SCIN: variants seen among roughly 807,000 people sequenced by gnomAD.
SCIN encodes adseverin.
A neutral mutation model predicts 91.8 loss-of-function variants in SCIN; 91 were observed. The ratio of observed to expected loss-of-function variants is 0.99; its 90% confidence interval spans 0.84 to 1.18. SCIN has a LOEUF of 1.18. Ranked by LOEUF, SCIN falls within the 50% of genes most tolerant of loss-of-function variation. The pLI is 0.00. For synonymous variants in SCIN, 367 were observed against 312.6 expected, an observed-to-expected ratio of 1.17 and a Z score of -1.84; for missense variants, 1,087 against 863.9, an observed-to-expected ratio of 1.26 and a Z score of -3.24.
chr7:12,640,084 A>G (rs192847939), intron 10 of SCIN, among the ~76,000 whole-genome samples: 1 of 152,328 alleles, frequency 6.6e-6, no homozygotes, highest in Non-Finnish European at 1.5e-5. Context: ...TCAAAAACAG[A>G]AAGTATTGGA....
Position 12,644,649 on chromosome 7 carries a change from G to C in SCIN, c.1825G>C (p.Ala609Pro). ...GACCTCACCACTACTGGAAACCCAGGCTGAAGACCATCCACCTCGGCTTTA... is the reference window on the plus strand; with the variant it reads ...GACCTCACCACTACTGGAAACCCAGCCTGAAGACCATCCACCTCGGCTTTA... Reference protein sequence around the residue: ...YQTSPLLETQAEDHPPRLYGC... With the variant: ...YQTSPLLETQPEDHPPRLYGC... The change falls in exon 13 of 16, where the codon GCT becomes CCT. Residue 609 changes from alanine to proline, a missense_variant. Ala to Pro is a conservative substitution (Grantham distance 27). Coordinates refer to ENST00000297029, the MANE Select transcript of SCIN (RefSeq NM_001112706.3). The C allele has an allele frequency of 1.2e-6, 2 of 1,601,826 alleles. No individual in the cohort carries two copies. The highest frequency in any genetic ancestry group is 1.7e-6 in the Non-Finnish European group (2 of 1,173,820).
intron 9 of SCIN, among the ~76,000 whole-genome samples, chr7:12,630,632 C>T (rs144340346): frequency 4.6e-5 from 7 of 152,282 alleles, no homozygotes; most frequent in Non-Finnish European, 8.8e-5. Context: ...ATTAACATGT[C>T]GTCTTAATAG....
chr7:12,622,141 C>A lies in SCIN; in HGVS notation c.667-660C>A, dbSNP rs76297622. 9.6e-4 allele frequency among the ~76,000 whole-genome samples: 146 copies of A among 152,022 alleles called. 2 individuals carry two copies. The South Asian group carries it at 0.014, about 15-fold the overall frequency. On this transcript the variant is annotated intron_variant, in intron 4 of 15. Coordinates refer to ENST00000297029, the MANE Select transcript of SCIN (RefSeq NM_001112706.3). ...TATTTTAATATAAAGAAATTCAAAG[C>A]AGATTCAAATGTATTTTCTACCAAA...
At chr7:12,581,643 A>G (rs902620703) in intron 3 of SCIN, among the ~76,000 whole-genome samples, 1 of 152,220 alleles carries the variant, frequency 6.6e-6, no homozygotes, top group African/African-American at 2.4e-5. Flanking sequence ...TTTTAAAGAC[A>G]TATTTTGATG....
chr7:12,571,192 C>T lies in SCIN; in HGVS notation c.199+207C>T, dbSNP rs577271126. 34 of 593,748 alleles carry T rather than the reference C, an allele frequency of 5.7e-5. No homozygotes were observed. The South Asian group carries it at 6.6e-4, about 12-fold the overall frequency. The allele number at this position is 593,748 out of a possible 1,614,324, so 36.8% of individuals were successfully genotyped here. A position where few individuals can be genotyped will look rare whatever the true frequency, so the allele number is the denominator to read the frequency against. ...GCAAACGCGGGGCTCAGGCGTTGTC[C>T]GCAATTGACTTACCTCGCAGGCTTT... On this transcript the variant is annotated intron_variant, in intron 1 of 15. Coordinates refer to ENST00000297029, the MANE Select transcript of SCIN (RefSeq NM_001112706.3).
chr7:12,625,512 G>C (rs1021232071), intron 6 of SCIN, among the ~76,000 whole-genome samples: 1 of 102,506 alleles, frequency 9.8e-6, no homozygotes, highest in South Asian at 3.3e-4. Flanking sequence ...TGTATTTTTT[G>C]TGGAGATGGG....
intron 4 of SCIN, among the ~76,000 whole-genome samples, chr7:12,606,800 C>T (rs1051348147): frequency 7.2e-5 from 11 of 152,038 alleles, no homozygotes; most frequent in African/African-American, 2.7e-4. Flanking sequence ...AAAAAAAGTC[C>T]ATTTAAAAAA....
chr7:12,617,132 A>G (rs370321567), intron 4 of SCIN, among the ~76,000 whole-genome samples: 72 of 152,238 alleles, frequency 4.7e-4, no homozygotes, highest in African/African-American at 1.7e-3. Flanking sequence ...TAGTCCAGTA[A>G]TTTGCAGGGT....
At chr7:12,578,659 T>C (rs1348648957) in intron 2 of SCIN, among the ~76,000 whole-genome samples, 2 of 151,976 alleles carry the variant, frequency 1.3e-5, no homozygotes, top group Admixed American at 6.5e-5. Context: ...ATACAGTATT[T>C]ATAATAATTA....
At chr7:12,593,456 T>C (rs1782769368) in intron 3 of SCIN, among the ~76,000 whole-genome samples, 1 of 152,164 alleles carries the variant, frequency 6.6e-6, no homozygotes, top group Non-Finnish European at 1.5e-5. Context: ...CAATAGTTCC[T>C]ACATATGTAA....
At chr7:12,579,610 T>A (rs1289070337) in intron 2 of SCIN, among the ~76,000 whole-genome samples, 1 of 152,168 alleles carries the variant, frequency 6.6e-6, no homozygotes, top group East Asian at 1.9e-4. Context: ...TATTAAGGAA[T>A]AAATTAAATA....
At chr7:12,646,867 A>G (rs558246878) in intron 13 of SCIN, among the ~76,000 whole-genome samples, 1 of 152,198 alleles carries the variant, frequency 6.6e-6, no homozygotes, top group East Asian at 1.9e-4. Context: ...GTTATAAATG[A>G]TTTGACCTAC....
At chr7:12,617,905 G>A (rs183460652) in intron 4 of SCIN, among the ~76,000 whole-genome samples, 247 of 152,156 alleles carry the variant, frequency 1.6e-3, no homozygotes, top group Non-Finnish European at 2.8e-3. Context: ...TAATAAGTTG[G>A]CATTCTGGCT....
rs1263060234 is a variant in SCIN, at chr7:12,573,277, G to C, written c.199+2292G>C. On this transcript the variant is annotated intron_variant, in intron 1 of 15. Transcript: ENST00000297029. ...GAACTTCCAGGGGAAAAGAACATTT[G>C]GTTAAAGGAAATCAGCCGGAAGAAA... Among the ~76,000 whole-genome samples, 3 of 152,078 alleles carry C rather than the reference G, an allele frequency of 2.0e-5. No individual in the cohort carries two copies. In the East Asian group the frequency reaches 5.8e-4, roughly 29 times the overall value.
intron 3 of SCIN, among the ~76,000 whole-genome samples, chr7:12,587,872 T>C (rs73293087): frequency 0.029 from 4,486 of 152,272 alleles, 223 homozygotes; most frequent in African/African-American, 0.1. Flanking sequence ...TCTTGCCTAC[T>C]CTGTGTTTCC....
chr7:12,615,467 C>A (rs1245879301), intron 4 of SCIN, among the ~76,000 whole-genome samples: 1 of 152,094 alleles, frequency 6.6e-6, no homozygotes, highest in Non-Finnish European at 1.5e-5. Context: ...GCCTTGCTTC[C>A]CCTTCACCTT....
At chr7:12,604,170 A>G (rs1783023200) in intron 3 of SCIN, among the ~76,000 whole-genome samples, 1 of 152,136 alleles carries the variant, frequency 6.6e-6, no homozygotes, top group South Asian at 2.1e-4. Flanking sequence ...ATGATCATCA[A>G]GAGTATCATA....
intron 13 of SCIN, among the ~76,000 whole-genome samples, chr7:12,649,093 T>C (rs1784026906): frequency 6.6e-6 from 1 of 152,186 alleles, no homozygotes; most frequent in Non-Finnish European, 1.5e-5. Flanking sequence ...TCTCTGGCAC[T>C]CTTTGGTCTT....
intron 7 of SCIN, 52 bp downstream of exon 7, chr7:12,625,902 T>C: frequency 7.8e-7 from 1 of 1,283,320 alleles, no homozygotes; most frequent in Non-Finnish European, 1.1e-6. Flanking sequence ...TTGGAGCTCA[T>C]GACATCTCCA....
Sources: allele counts gnomAD v4.1 joint callset (sites outside exome capture counted in the v4.1 genomes callset), GRCh38; gene constraint gnomAD v4.1.1; transcripts MANE v1.5; gene names NCBI Gene and HGNC (gene_info 2026-07-23, HGNC 2026-07-21).